APLF: variants seen among roughly 807,000 people sequenced by gnomAD.
APLF encodes the protein aprataxin and PNKP like factor.
APLF carries 61 observed loss-of-function variants against 55.6 expected under a neutral mutation model. The observed-to-expected ratio is 1.10, with a 90% CI of 0.89 to 1.36. The LOEUF (loss-of-function observed/expected upper bound fraction) is 1.36. Among genes scored for constraint, APLF ranks in the 40% most tolerant of loss-of-function variants. The pLI is 0.00. For missense variants in APLF, 611 were observed against 602.5 expected (o/e 1.01, Z -0.15); for synonymous variants, 207 against 214.8 (o/e 0.96, Z 0.32).
chr2:68,499,470 A>G, intron 2 of APLF, among the ~76,000 whole-genome samples: 1 of 152,166 alleles, frequency 6.6e-6, no homozygotes, highest in Non-Finnish European at 1.5e-5. Flanking sequence ...TTTGGGAGGG[A>G]TTGAAAAGAT....
At chr2:68,482,476 T>C (rs1051530997) in intron 1 of APLF, among the ~76,000 whole-genome samples, 2 of 152,118 alleles carry the variant, frequency 1.3e-5, no homozygotes, top group African/African-American at 4.8e-5. Context: ...GCCAGGGGTA[T>C]GCATGTACAC....
At chr2:68,538,460 G>T (rs1196464074) in intron 7 of APLF, among the ~76,000 whole-genome samples, 1 of 152,164 alleles carries the variant, frequency 6.6e-6, no homozygotes, top group African/African-American at 2.4e-5. Context: ...GCTGACTAAT[G>T]TGAGGATCTG....
At chr2:68,477,481 TA>T (rs935469300) in intron 1 of APLF, among the ~76,000 whole-genome samples, 2 of 148,682 alleles carry the variant, frequency 1.3e-5, no homozygotes, top group Middle Eastern at 3.2e-3. Flanking sequence ...AAAAGTAAAT[TA>T]AAAAAAAAAT....
chr2:68,521,723 A>T (rs538801526), intron 5 of APLF, among the ~76,000 whole-genome samples: 1 of 151,972 alleles, frequency 6.6e-6, no homozygotes, highest in Admixed American at 6.6e-5. Context: ...TTCTTCCTGC[A>T]TCTTCTAAGC....
Position 68,504,451 on chromosome 2 carries a change from C to T in APLF, c.341+1548C>T, listed in dbSNP as rs80038151. Among the ~76,000 whole-genome samples, 1,184 of 151,968 alleles carry T rather than the reference C, an allele frequency of 7.8e-3. 15 individuals are homozygous for T. Among genetic ancestry groups the T allele is most frequent in the African/African-American group, 0.027 (1,130 of 41,538 alleles). Reference sequence around the variant, plus strand: ...GATAATACTCTATTACCAAGTGGGGCTTGTCCAAGGGATACAAGGTTAGTT... The same window carrying T: ...GATAATACTCTATTACCAAGTGGGGTTTGTCCAAGGGATACAAGGTTAGTT... On this transcript the variant is annotated intron_variant, in intron 3 of 9. Transcript: ENST00000303795.
chr2:68,467,867 GGAGTTCCGCGCC>G lies in APLF; in HGVS notation c.96+42_96+53del, dbSNP rs776589033. ...GGGCTTAGCGGACCCCGAGAGCCGTGGAGTTCCGCGCCGGCTCCTGAAGACCGGCCCTAGTCC... is the reference window on the plus strand; with the variant it reads ...GGGCTTAGCGGACCCCGAGAGCCGTGGGCTCCTGAAGACCGGCCCTAGTCC... On this transcript the variant is annotated intron_variant, in intron 1 of 9. Coordinates refer to ENST00000303795, the MANE Select transcript of APLF (RefSeq NM_173545.3). The G allele has an allele frequency of 1.8e-5, 22 of 1,222,968 alleles. No individual in the cohort carries two copies. In the African/African-American group the frequency reaches 2.8e-4, roughly 16 times the overall value. The allele number at this position is 1,222,968 out of a possible 1,614,324, so 75.8% of individuals were successfully genotyped here.
In APLF at chr2:68,467,603, G is replaced by A; in HGVS notation, c.-129G>A. 4 of 710,028 alleles carry A rather than the reference G, an allele frequency of 5.6e-6. No individual in the cohort carries two copies. Among genetic ancestry groups the A allele is most frequent in the Non-Finnish European group, 7.8e-6 (4 of 510,250 alleles). The allele number at this position is 710,028 out of a possible 1,614,324, so 44.0% of individuals were successfully genotyped here. A position where few individuals can be genotyped will look rare whatever the true frequency, so the allele number is the denominator to read the frequency against. On this transcript the variant is annotated 5_prime_UTR_variant, in exon 1 of 10. Transcript: ENST00000303795. ...GGGCTCTGAGAGGACCGGCGCAGCC[G>A]CGGGGAGCCTTTGAGGCCCTCCCTC...
At chr2:68,494,298 A>AG (rs1357959342) in intron 2 of APLF, among the ~76,000 whole-genome samples, 1 of 150,004 alleles carries the variant, frequency 6.7e-6, no homozygotes, top group Admixed American at 6.6e-5. Context: ...AAAAAAAAAA[A>AG]AAAAGAAAAG....
chr2:68,525,915 A>T (rs1293052588), intron 5 of APLF, 146 bp from the exon 6 acceptor site: 4 of 703,798 alleles, frequency 5.7e-6, no homozygotes, highest in Non-Finnish European at 8.9e-6. Flanking sequence ...ACACCTGCCT[A>T]TCTTTTGTAT....
At chr2:68,574,306 A>T (rs1247206434) in intron 9 of APLF, among the ~76,000 whole-genome samples, 1 of 152,174 alleles carries the variant, frequency 6.6e-6, no homozygotes, top group Non-Finnish European at 1.5e-5. Context: ...TCTAGGTAGC[A>T]TTTGTTTTAT....
chr2:68,565,468 T>C (rs1671277311), intron 8 of APLF, among the ~76,000 whole-genome samples: 1 of 151,768 alleles, frequency 6.6e-6, no homozygotes, highest in African/African-American at 2.4e-5. Context: ...CTAAGACAGA[T>C]GGATTGATGG....
At chr2:68,572,239 C>G (rs1671489437) in intron 9 of APLF, among the ~76,000 whole-genome samples, 1 of 151,894 alleles carries the variant, frequency 6.6e-6, no homozygotes, top group South Asian at 2.1e-4. Flanking sequence ...TAAAGTAGAT[C>G]AGAAATATAC....
intron 8 of APLF, among the ~76,000 whole-genome samples, chr2:68,564,670 G>A (rs1177462046): frequency 6.6e-6 from 1 of 152,016 alleles, no homozygotes; most frequent in African/African-American, 2.4e-5. Context: ...TTACATGTGG[G>A]AAAACTGAAG....
rs1451266444 is a variant in APLF, at chr2:68,537,863, G to C, written c.805-9G>C. ...TTTATTTCTGATGTTTTTCATATTTGTTTTACAGGAAATGCCACAATCATT... is the reference window on the plus strand; with the variant it reads ...TTTATTTCTGATGTTTTTCATATTTCTTTTACAGGAAATGCCACAATCATT... On this transcript the variant is annotated splice_polypyrimidine_tract_variant and intron_variant, in intron 6 of 9. Transcript: ENST00000303795. 1 of 1,524,384 alleles carries C rather than the reference G, an allele frequency of 6.6e-7. No homozygotes were observed. The highest frequency in any genetic ancestry group is 8.9e-7 in the Non-Finnish European group (1 of 1,128,108). The allele number at this position is 1,524,384 out of a possible 1,614,324, so 94.4% of individuals were successfully genotyped here.
At chr2:68,487,477 T>C (rs957635517) in intron 1 of APLF, among the ~76,000 whole-genome samples, 2 of 152,104 alleles carry the variant, frequency 1.3e-5, no homozygotes, top group African/African-American at 2.4e-5. Flanking sequence ...ACCTATGAAG[T>C]GAAGTATAAT....
At chr2:68,505,217 A>C (rs1676839414) in intron 3 of APLF, among the ~76,000 whole-genome samples, 1 of 152,122 alleles carries the variant, frequency 6.6e-6, no homozygotes, top group Non-Finnish European at 1.5e-5. Context: ...CTAGCTGTTG[A>C]AATGAGACAT....
chr2:68,482,771 G>T (rs1676003249), intron 1 of APLF, among the ~76,000 whole-genome samples: 1 of 152,144 alleles, frequency 6.6e-6, no homozygotes, highest in Non-Finnish European at 1.5e-5. Flanking sequence ...TCCTCATTTG[G>T]GGGTATGGAC....
At chr2:68,543,903 A>T (rs1180303078) in intron 7 of APLF, among the ~76,000 whole-genome samples, 2 of 152,110 alleles carry the variant, frequency 1.3e-5, no homozygotes, top group Middle Eastern at 3.4e-3. Context: ...TTATAATATC[A>T]CTTCTTAAAG....
intron 6 of APLF, among the ~76,000 whole-genome samples, chr2:68,530,708 CAT>C (rs1272071612): frequency 6.6e-6 from 1 of 152,198 alleles, no homozygotes; most frequent in Non-Finnish European, 1.5e-5. Flanking sequence ...TCACCACACA[CAT>C]GATGCCCTAA....
Sources: gnomAD v4.1 joint callset for allele counts (sites outside exome capture counted in the v4.1 genomes callset) on GRCh38, gnomAD v4.1.1 for gene constraint, MANE v1.5 for transcripts, NCBI Gene and HGNC (gene_info 2026-07-23, HGNC 2026-07-21) for gene names.